Variants in ZNRF2 observed in about 807,000 individuals in gnomAD.
ZNRF2 encodes the protein zinc and ring finger 2.
In ZNRF2, 16 loss-of-function variants were observed where a neutral mutation model predicts 20.4. That is an observed-to-expected ratio of 0.79 (90% confidence interval 0.53 to 1.19). The LOEUF (loss-of-function observed/expected upper bound fraction) is 1.19. Ranked by LOEUF, ZNRF2 falls within the 50% of genes most tolerant of loss-of-function variation. The pLI, the probability that ZNRF2 is intolerant of heterozygous loss-of-function variation, is 0.00. For synonymous variants in ZNRF2, 178 were observed against 144.9 expected (o/e 1.23, Z -1.64); for missense variants, 363 against 332.4 (o/e 1.09, Z -0.72).
intron 1 of ZNRF2, among the ~76,000 whole-genome samples, chr7:30,293,593 CT>C (rs1427095086): frequency 6.6e-6 from 1 of 152,162 alleles, no homozygotes; most frequent in Non-Finnish European, 1.5e-5. Flanking sequence ...CAAAGATACA[CT>C]TTTGTTCAAG....
At chr7:30,294,089 G>C (rs1798965347) in intron 1 of ZNRF2, among the ~76,000 whole-genome samples, 1 of 152,060 alleles carries the variant, frequency 6.6e-6, no homozygotes, top group Non-Finnish European at 1.5e-5. Context: ...ATATGTTTCA[G>C]AGAGCCAGTG....
chr7:30,329,147 A>T (rs564326436), intron 2 of ZNRF2, among the ~76,000 whole-genome samples: 14 of 152,302 alleles, frequency 9.2e-5, no homozygotes, highest in East Asian at 7.7e-4. Flanking sequence ...TAGTTTTTTT[A>T]AAAAATTTTA....
intron 1 of ZNRF2, among the ~76,000 whole-genome samples, chr7:30,291,078 A>T (rs984875954): frequency 7.2e-5 from 11 of 152,196 alleles, no homozygotes; most frequent in African/African-American, 2.7e-4. Context: ...GTACGTTTGA[A>T]CTGTAGTTTG....
intron 1 of ZNRF2, among the ~76,000 whole-genome samples, chr7:30,314,591 A>AG (rs1799339060): frequency 6.6e-6 from 1 of 152,068 alleles, no homozygotes; most frequent in African/African-American, 2.4e-5. Context: ...AAAGCAAAAA[A>AG]GGGAAAAAAG....
chr7:30,286,103 G>A (rs1798784390), intron 1 of ZNRF2, among the ~76,000 whole-genome samples: 1 of 152,228 alleles, frequency 6.6e-6, no homozygotes, highest in Non-Finnish European at 1.5e-5. Context: ...CCAGTGAGAT[G>A]ACTGGAGCAA....
chr7:30,303,256 C>G (rs1421047037), intron 1 of ZNRF2, among the ~76,000 whole-genome samples: 1 of 149,196 alleles, frequency 6.7e-6, no homozygotes, highest in Non-Finnish European at 1.5e-5. Flanking sequence ...GAAATGAGAT[C>G]CTGTCTCAAA....
At chr7:30,326,411 G>A (rs1298928139) in intron 2 of ZNRF2, among the ~76,000 whole-genome samples, 3 of 152,208 alleles carry the variant, frequency 2.0e-5, no homozygotes, top group South Asian at 2.1e-4. Flanking sequence ...TCCTGTGTGA[G>A]TTTGCTGAGG....
intron 2 of ZNRF2, among the ~76,000 whole-genome samples, chr7:30,354,842 T>A (rs965649393): frequency 1.3e-5 from 2 of 152,196 alleles, no homozygotes; most frequent in Admixed American, 6.5e-5. Flanking sequence ...CATGTTTTAT[T>A]CTGCATTTAA....
Position 30,297,608 on chromosome 7 carries a change from C to T in ZNRF2, c.469+11782C>T, listed in dbSNP as rs571107334. 1.8e-4 allele frequency among the ~76,000 whole-genome samples: 27 copies of T among 152,204 alleles called. No homozygotes were observed. In the South Asian group the frequency reaches 4.8e-3, roughly 27 times the overall value. On this transcript the variant is annotated intron_variant, in intron 1 of 4. Coordinates refer to ENST00000323037, the MANE Select transcript of ZNRF2 (RefSeq NM_147128.4). Reference sequence around the variant, plus strand: ...TGGCTTCTAGTGTTGCTGTTGAGCACATAGATGTCATTATGGTTTTTGATC... The same window carrying T: ...TGGCTTCTAGTGTTGCTGTTGAGCATATAGATGTCATTATGGTTTTTGATC...
chr7:30,363,277 T>C (rs1177477358), intron 4 of ZNRF2, among the ~76,000 whole-genome samples: 2 of 152,206 alleles, frequency 1.3e-5, no homozygotes, highest in African/African-American at 2.4e-5. Flanking sequence ...TTTAGTATTA[T>C]CATGTGCCAG....
intron 3 of ZNRF2, among the ~76,000 whole-genome samples, chr7:30,360,848 T>C (rs1421198942): frequency 6.6e-6 from 1 of 152,202 alleles, no homozygotes; most frequent in Non-Finnish European, 1.5e-5. Flanking sequence ...ATATGTTGTT[T>C]TAGAATATAC....
chr7:30,328,762 G>A (rs929397280), intron 2 of ZNRF2, among the ~76,000 whole-genome samples: 6 of 152,140 alleles, frequency 3.9e-5, no homozygotes, highest in African/African-American at 9.7e-5. Flanking sequence ...GGCTGACTAG[G>A]TAGAAACTCT....
At chr7:30,300,001 G>C (rs982246607) in intron 1 of ZNRF2, among the ~76,000 whole-genome samples, 1 of 151,842 alleles carries the variant, frequency 6.6e-6, no homozygotes, top group Admixed American at 6.6e-5. Context: ...AGCCAGGATG[G>C]TCTTGATCTC....
chr7:30,353,669 C>T (rs1398348442), intron 2 of ZNRF2, among the ~76,000 whole-genome samples: 1 of 152,040 alleles, frequency 6.6e-6, no homozygotes, highest in Non-Finnish European at 1.5e-5. Context: ...ATATTCTCAT[C>T]TCAAAGACTT....
rs1305360311 is a variant in ZNRF2 at position 30,366,439 on chromosome 7, CCCAACATAATGTT to C, written c.*429_*441del. ...TTTAATTTGGGGTCTCTTTGTTTTC[CCCAACATAATGTT>C]CATAATGTTTCTGCATTCATCTGTT... On this transcript the variant is annotated 3_prime_UTR_variant, in exon 5 of 5. Transcript: ENST00000323037. 6.6e-6 allele frequency: 1 copy of C among 152,310 alleles called. No homozygotes were observed. The highest frequency in any genetic ancestry group is 1.5e-5 in the Non-Finnish European group (1 of 67,954). The allele number at this position is 152,310 out of a possible 1,614,324, so 9.4% of individuals were successfully genotyped here. A position where few individuals can be genotyped will look rare whatever the true frequency, so the allele number is the denominator to read the frequency against.
chr7:30,300,604 G>A (rs935190096), intron 1 of ZNRF2, among the ~76,000 whole-genome samples: 1 of 152,206 alleles, frequency 6.6e-6, no homozygotes, highest in Non-Finnish European at 1.5e-5. Context: ...GATATTAAGT[G>A]TTTTAAATAG....
intron 4 of ZNRF2, among the ~76,000 whole-genome samples, chr7:30,364,447 C>A (rs978156544): frequency 6.6e-6 from 1 of 152,152 alleles, no homozygotes; most frequent in Non-Finnish European, 1.5e-5. Flanking sequence ...CACACCAGTG[C>A]ACTCCTGCCT....
intron 2 of ZNRF2, among the ~76,000 whole-genome samples, chr7:30,334,615 T>C (rs1799689027): frequency 6.6e-6 from 1 of 152,204 alleles, no homozygotes; most frequent in Non-Finnish European, 1.5e-5. Context: ...CTAAAATTTT[T>C]CTTTCGATAT....
At chr7:30,346,979 T>C (rs973850555) in intron 2 of ZNRF2, among the ~76,000 whole-genome samples, 2 of 152,182 alleles carry the variant, frequency 1.3e-5, no homozygotes, top group Non-Finnish European at 2.9e-5. Flanking sequence ...CTCTGAAATA[T>C]TAAATTGAAA....
Sources: allele counts gnomAD v4.1 joint callset (sites outside exome capture counted in the v4.1 genomes callset), GRCh38; gene constraint gnomAD v4.1.1; transcripts MANE v1.5; gene names NCBI Gene and HGNC (gene_info 2026-07-23, HGNC 2026-07-21).